Variants in DOCK2 observed in about 807,000 individuals in gnomAD.
DOCK2 encodes dedicator of cytokinesis protein 2.
In DOCK2, 87 loss-of-function variants were observed where a neutral mutation model predicts 248.9. The observed-to-expected ratio is 0.35, with a 90% confidence interval of 0.29 to 0.42. DOCK2 has a LOEUF of 0.42. Ranked by LOEUF, DOCK2 falls within the 10% of genes least tolerant of loss-of-function variation. The probability of loss-of-function intolerance (pLI) is 1.00; values close to 1 mark genes in which losing one functional copy is unlikely to be tolerated. For synonymous variants in DOCK2, 805 were observed against 821.6 expected (o/e 0.98, Z 0.35); for missense variants, 1,747 against 2,300.2 (o/e 0.76, Z 4.92).
chr5:169,977,722 A>G (rs1777765272), intron 27 of DOCK2, among the ~76,000 whole-genome samples: 1 of 152,200 alleles, frequency 6.6e-6, no homozygotes, highest in African/African-American at 2.4e-5. Context: ...CCTCGCACCT[A>G]GCACAGAGCC....
chr5:169,989,726 C>T (rs1397896062), intron 29 of DOCK2, among the ~76,000 whole-genome samples: 1 of 152,178 alleles, frequency 6.6e-6, no homozygotes, highest in Non-Finnish European at 1.5e-5. Context: ...GTTTTCCTCA[C>T]TGTAAAATGT....
At chr5:170,034,359 C>T (rs1457338908) in intron 34 of DOCK2, 40 bp from the exon 35 acceptor site, 4 of 1,610,178 alleles carry the variant, frequency 2.5e-6, no homozygotes, top group Non-Finnish European at 3.4e-6. Context: ...CAGTCTTTCT[C>T]CCCAGCCATG....
At chr5:169,793,637 C>T (rs964877753) in intron 25 of DOCK2, among the ~76,000 whole-genome samples, 5 of 152,116 alleles carry the variant, frequency 3.3e-5, no homozygotes, top group Admixed American at 6.5e-5. Context: ...TCTCTAGGTC[C>T]GCCATTAAAA....
At chr5:169,984,834 A>G (rs1008070001) in intron 28 of DOCK2, among the ~76,000 whole-genome samples, 1 of 152,228 alleles carries the variant, frequency 6.6e-6, no homozygotes, top group Admixed American at 6.5e-5. Flanking sequence ...TTTTGCCTAA[A>G]GTACACTGGT....
chr5:170,054,705 G>A (rs2113856320), intron 41 of DOCK2, among the ~76,000 whole-genome samples: 1 of 152,338 alleles, frequency 6.6e-6, no homozygotes, highest in African/African-American at 2.4e-5. Flanking sequence ...TCCGGACTCA[G>A]TTGGTTCTCA....
intron 27 of DOCK2, among the ~76,000 whole-genome samples, chr5:169,967,762 G>A (rs1777355884): frequency 6.6e-6 from 1 of 152,176 alleles, no homozygotes; most frequent in African/African-American, 2.4e-5. Context: ...GATGATGGTA[G>A]CGTCAATCAG....
At chr5:170,020,528 A>G (rs1755684561) in intron 33 of DOCK2, among the ~76,000 whole-genome samples, 1 of 152,240 alleles carries the variant, frequency 6.6e-6, no homozygotes, top group Admixed American at 6.5e-5. Context: ...TTTTCTATGT[A>G]TTAGTTCATG....
At chr5:169,947,923 C>T (rs1236015138) in intron 27 of DOCK2, among the ~76,000 whole-genome samples, 2 of 152,186 alleles carry the variant, frequency 1.3e-5, no homozygotes, top group Admixed American at 1.3e-4. Flanking sequence ...TCACACCGTG[C>T]AGTGCCGCTG....
At chr5:169,673,949 C>T (rs1759185793) in intron 5 of DOCK2, among the ~76,000 whole-genome samples, 1 of 152,218 alleles carries the variant, frequency 6.6e-6, no homozygotes. Context: ...AGAAATGGCC[C>T]TGGCTCCCAG....
intron 27 of DOCK2, among the ~76,000 whole-genome samples, chr5:169,900,434 C>T (rs1389782850): frequency 3.9e-5 from 6 of 152,194 alleles, no homozygotes; most frequent in South Asian, 4.2e-4. Context: ...CGTGGCTGGG[C>T]GAGATAGTGG....
chr5:169,650,973 A>G (rs1399244740), intron 1 of DOCK2, among the ~76,000 whole-genome samples: 1 of 152,146 alleles, frequency 6.6e-6, no homozygotes, highest in East Asian at 1.9e-4. Flanking sequence ...TCTTTTGTGG[A>G]CAGGCACTGG....
intron 25 of DOCK2, among the ~76,000 whole-genome samples, chr5:169,780,332 T>TGTGTGG (rs1554100115): frequency 6.2e-4 from 71 of 113,624 alleles, no homozygotes; most frequent in African/African-American, 1.8e-3. Context: ...TGTGTGTGTG[T>TGTGTGG]GTGTGTGTTG....
At chr5:170,014,919 A>G (rs1284526636) in intron 32 of DOCK2, among the ~76,000 whole-genome samples, 1 of 152,202 alleles carries the variant, frequency 6.6e-6, no homozygotes, top group Non-Finnish European at 1.5e-5. Context: ...CTTTGAGGAC[A>G]AATGAGAAAA....
intron 1 of DOCK2, among the ~76,000 whole-genome samples, chr5:169,646,227 G>A (rs535920882): frequency 6.6e-6 from 1 of 152,206 alleles, no homozygotes; most frequent in Admixed American, 6.5e-5. Context: ...TTTTTGTCAG[G>A]TTTGTCGAAG....
intron 27 of DOCK2, among the ~76,000 whole-genome samples, chr5:169,846,621 CACATATATACACACATATATGT>C (rs1476286172): frequency 4.6e-5 from 7 of 151,374 alleles, no homozygotes; most frequent in South Asian, 2.1e-4. Context: ...CACACACACA[CACATATATACACACATATATGT>C]ACATATATAC....
intron 46 of DOCK2, among the ~76,000 whole-genome samples, chr5:170,074,655 G>A (rs773089915): frequency 3.9e-5 from 6 of 152,154 alleles, no homozygotes; most frequent in Non-Finnish European, 2.9e-5. Flanking sequence ...CTTCTTATTT[G>A]CAGTCTGGCT....
chr5:169,853,897 G>A (rs1323650359), intron 27 of DOCK2, among the ~76,000 whole-genome samples: 4 of 111,358 alleles, frequency 3.6e-5, no homozygotes, highest in Non-Finnish European at 5.1e-5. Context: ...GTGCAGTGGT[G>A]CAATCTCGGC....
intron 1 of DOCK2, among the ~76,000 whole-genome samples, chr5:169,649,750 G>T (rs768466160): frequency 1.3e-5 from 2 of 152,088 alleles, no homozygotes; most frequent in African/African-American, 4.8e-5. Flanking sequence ...GTAATAACTT[G>T]AGGTTACTAT....
intron 22 of DOCK2, among the ~76,000 whole-genome samples, chr5:169,727,056 C>G (rs574193625): frequency 6.8e-6 from 1 of 146,426 alleles, no homozygotes; most frequent in African/African-American, 2.5e-5. Flanking sequence ...TGATAGAGTG[C>G]GACCCTGTCT....
Sources: gnomAD v4.1 joint callset for allele counts (sites outside exome capture counted in the v4.1 genomes callset) on GRCh38, gnomAD v4.1.1 for gene constraint, MANE v1.5 for transcripts, NCBI Gene and HGNC (gene_info 2026-07-23, HGNC 2026-07-21) for gene names.